PRKDC: variants seen among roughly 807,000 people sequenced by gnomAD.
The protein encoded by PRKDC is protein kinase, DNA-activated, catalytic subunit.
In PRKDC, 82 loss-of-function variants were observed where a neutral mutation model predicts 486.9. That is an observed-to-expected ratio of 0.17 (90% CI 0.14 to 0.20). PRKDC has a LOEUF of 0.20. PRKDC is among the 10% of genes least tolerant of loss of function. PRKDC has a pLI of 1.00. For missense variants in PRKDC, 4,504 were observed against 5,038.2 expected (o/e 0.89, Z 3.21); for synonymous variants, 1,895 against 1,837.0 (o/e 1.03, Z -0.81).
chr8:47,821,608 T>A lies in PRKDC; in HGVS notation c.9107A>T (p.Tyr3036Phe), dbSNP rs767730320. The A allele has an allele frequency of 5.0e-6, 8 of 1,592,266 alleles. No homozygotes were observed. Among genetic ancestry groups the A allele is most frequent in the African/African-American group, 1.3e-5 (1 of 74,442 alleles). The change falls in exon 65 of 86, where the codon TAT (tyrosine) becomes TTT (phenylalanine). Residue 3036 changes from tyrosine to phenylalanine, a missense_variant. By Grantham distance (22) the Tyr-to-Phe change is conservative. Around this residue, in one of 6 missense-constraint regions of PRKDC, gnomAD observed 1,592 missense variants for 1,724.6 expected, o/e 0.92. Transcript: ENST00000314191. ...DLNKIWSEPF[Y>F]QETYLPYMIR... The stretch of plus-strand genomic sequence containing the variant: ...ACTTAAAATAATTTTACCCACCTGA[T>A]AAAATGGTTCACTCCAGATTTTATT...
At chr8:47,935,545 T>C (rs530739986) in intron 13 of PRKDC, among the ~76,000 whole-genome samples, 187 bp downstream of exon 13, 6 of 151,748 alleles carry the variant, frequency 4.0e-5, no homozygotes, top group African/African-American at 1.2e-4. Context: ...GTTCTATTAA[T>C]AGAACTATTA....
At position 47,857,361 on chromosome 8, in the gene PRKDC, C is replaced by T. The variant is rs965282531; in HGVS notation, c.6466-62G>A. The T allele has an allele frequency of 2.6e-6, 4 of 1,510,616 alleles. No homozygotes were observed. The South Asian group carries it at 3.9e-5, about 15-fold the overall frequency. The allele number at this position is 1,510,616 out of a possible 1,614,324, so 93.6% of individuals were successfully genotyped here. A position where few individuals can be genotyped will look rare whatever the true frequency, so the allele number is the denominator to read the frequency against. ...GTCTTAAATTGCCAAAATATTAATA[C>T]AAGACTGTATCTTCCATCAGCTAAA... On this transcript the variant is annotated intron_variant, in intron 48 of 85. Coordinates refer to ENST00000314191, the MANE Select transcript of PRKDC (RefSeq NM_006904.7).
intron 41 of PRKDC, 66 bp from the exon 42 acceptor site, chr8:47,863,643 A>G (rs2088730477): frequency 7.8e-7 from 1 of 1,285,348 alleles, no homozygotes; most frequent in East Asian, 2.5e-5. Flanking sequence ...TATAGAATAT[A>G]TCAAATTTAA....
intron 40 of PRKDC, among the ~76,000 whole-genome samples, chr8:47,865,961 G>A (rs2088799699): frequency 6.6e-6 from 1 of 152,040 alleles, no homozygotes; most frequent in African/African-American, 2.4e-5. Flanking sequence ...TTTGAGACCA[G>A]CCTGGCCAAC....
chr8:47,796,402 A>C (rs1157338112), intron 73 of PRKDC, among the ~76,000 whole-genome samples: 1 of 152,062 alleles, frequency 6.6e-6, no homozygotes, highest in Non-Finnish European at 1.5e-5. Context: ...AGTGAAAAAC[A>C]CCTAATTTAA....
chr8:47,925,851 C>T (rs1193591747), intron 21 of PRKDC, among the ~76,000 whole-genome samples: 3 of 152,140 alleles, frequency 2.0e-5, no homozygotes, highest in African/African-American at 7.2e-5. Flanking sequence ...CTAGATAGAA[C>T]ACATGGAGTT....
rs757281051 is a variant in PRKDC at position 47,789,245 on chromosome 8, A to T, written c.10671-7T>A. 1.4e-5 allele frequency: 22 copies of T among 1,542,928 alleles called. No homozygotes were observed. Among genetic ancestry groups the T allele is most frequent in the African/African-American group, 2.8e-5 (2 of 72,454 alleles). Reference sequence around the variant, plus strand: ...ATCCAACTTACTTTTAATCCTATTTAAAAAAATTTACAAAGTTTAGGCAAT... The same window carrying T: ...ATCCAACTTACTTTTAATCCTATTTTAAAAAATTTACAAAGTTTAGGCAAT... On this transcript the variant is annotated splice_region_variant and splice_polypyrimidine_tract_variant and intron_variant, in intron 74 of 85. Coordinates refer to ENST00000314191, the MANE Select transcript of PRKDC (RefSeq NM_006904.7).
chr8:47,804,544 C>T (rs961591070), intron 69 of PRKDC, among the ~76,000 whole-genome samples: 1 of 152,270 alleles, frequency 6.6e-6, no homozygotes, highest in African/African-American at 2.4e-5. Context: ...AAGTGATCCA[C>T]CCGCCTTGGC....
intron 85 of PRKDC, among the ~76,000 whole-genome samples, chr8:47,776,635 A>AGGTAT (rs540645527): frequency 4.6e-5 from 7 of 152,352 alleles, no homozygotes; most frequent in African/African-American, 1.7e-4. Context: ...ACCTGAAGAC[A>AGGTAT]GTGCAGGGGT....
chr8:47,937,092 TAAA>T (rs1258352052), intron 11 of PRKDC, among the ~76,000 whole-genome samples: 38 of 119,850 alleles, frequency 3.2e-4, no homozygotes, highest in Non-Finnish European at 4.9e-4. Flanking sequence ...CGTCTCTACT[TAAA>T]AAAAAAAAAA....
chr8:47,783,653 G>A (rs530787937), intron 78 of PRKDC, 89 bp downstream of exon 78: 21 of 1,259,754 alleles, frequency 1.7e-5, no homozygotes, highest in African/African-American at 1.0e-4. Context: ...AACATGGGCC[G>A]TTGTCTCATA....
chr8:47,860,834 G>A (rs1037944714), intron 45 of PRKDC, 65 bp downstream of exon 45: 2 of 1,296,038 alleles, frequency 1.5e-6, no homozygotes, highest in Admixed American at 2.2e-5. Context: ...ATTTGTCTTA[G>A]AACAAAACAA....
At chr8:47,911,307 T>G (rs1027771365) in intron 25 of PRKDC, among the ~76,000 whole-genome samples, 3 of 152,188 alleles carry the variant, frequency 2.0e-5, no homozygotes, top group African/African-American at 4.8e-5. Context: ...CCATGCTGGG[T>G]GGAAGCACAA....
At position 47,862,370 on chromosome 8, in the gene PRKDC, T is replaced by C; in HGVS notation, c.5919+3A>G. ...AATAGTGCACACCGTAGGAGTGGCCTACCTTTTCTGGTTTTTCACTAAACA... is the reference window on the plus strand; with the variant it reads ...AATAGTGCACACCGTAGGAGTGGCCCACCTTTTCTGGTTTTTCACTAAACA... On this transcript the variant is annotated splice_donor_region_variant and intron_variant, in intron 43 of 85. Coordinates refer to ENST00000314191, the MANE Select transcript of PRKDC (RefSeq NM_006904.7). The C allele has an allele frequency of 1.9e-6, 3 of 1,613,202 alleles. No homozygotes were observed. Among genetic ancestry groups the C allele is most frequent in the Non-Finnish European group, 2.5e-6 (3 of 1,179,178 alleles).
At position 47,928,507 on chromosome 8, in the gene PRKDC, T is replaced by C. The variant is rs920462202; in HGVS notation, c.2139+585A>G. Among the ~76,000 whole-genome samples, 10 of 152,080 alleles carry C rather than the reference T, an allele frequency of 6.6e-5. No homozygotes were observed. The East Asian group carries it at 1.7e-3, about 26-fold the overall frequency. ...CTAATTAGTTTTTTTAGGACCTTAG[T>C]CCCGCTCCAGATTTAGCAAACACAT... On this transcript the variant is annotated intron_variant, in intron 19 of 85. Coordinates refer to ENST00000314191, the MANE Select transcript of PRKDC (RefSeq NM_006904.7).
intron 45 of PRKDC, among the ~76,000 whole-genome samples, 156 bp downstream of exon 45, chr8:47,860,743 A>C (rs949562362): frequency 6.6e-6 from 1 of 152,198 alleles, no homozygotes; most frequent in African/African-American, 2.4e-5. Flanking sequence ...TTGCCACTTA[A>C]AATACTTTTT....
intron 66 of PRKDC, 26 bp from the exon 67 acceptor site, chr8:47,819,536 G>T: frequency 3.0e-6 from 3 of 993,912 alleles, no homozygotes; most frequent in South Asian, 3.7e-5. Flanking sequence ...AAAAAAAAAG[G>T]GCATTTACAA....
At chr8:47,859,569 C>T (rs764833574) in intron 46 of PRKDC, 42 bp downstream of exon 46, 37 of 1,590,198 alleles carry the variant, frequency 2.3e-5, no homozygotes, top group Non-Finnish European at 2.9e-5. Context: ...CCTTTCTTCA[C>T]AAACATCGAC....
At chr8:47,861,790 G>C (rs1171667816) in intron 44 of PRKDC, among the ~76,000 whole-genome samples, 1 of 152,230 alleles carries the variant, frequency 6.6e-6, no homozygotes, top group Non-Finnish European at 1.5e-5. Flanking sequence ...AATTCACTTA[G>C]AAAACAACTT....
Sources: allele counts gnomAD v4.1 joint callset (sites outside exome capture counted in the v4.1 genomes callset), GRCh38; gene constraint gnomAD v4.1.1; regional missense constraint gnomAD v4.1.1; transcripts MANE v1.5; gene names NCBI Gene and HGNC (gene_info 2026-07-23, HGNC 2026-07-21).